The following GRIK1 variants were observed in gnomAD, a reference collection of about 807,000 sequenced individuals.
GRIK1 encodes glutamate ionotropic receptor kainate type subunit 1.
In GRIK1, 69 loss-of-function variants were observed where a neutral mutation model predicts 105.7. That is an observed-to-expected ratio of 0.65 (90% CI 0.54 to 0.80). GRIK1 has a LOEUF of 0.80. GRIK1 is among the 30% of genes least tolerant of loss of function. The pLI, the probability that GRIK1 is intolerant of heterozygous loss-of-function variation, is 0.00. For synonymous variants in GRIK1, 438 were observed against 431.3 expected (o/e 1.02, Z -0.19); for missense variants, 1,109 against 1,167.3 (o/e 0.95, Z 0.73).
At chr21:29,544,097 A>G (rs1287989393) in intron 16 of GRIK1, among the ~76,000 whole-genome samples, 1 of 152,202 alleles carries the variant, frequency 6.6e-6, no homozygotes, top group African/African-American at 2.4e-5. Context: ...ATGCCCTAGA[A>G]TTCCTTGTTC....
intron 1 of GRIK1, among the ~76,000 whole-genome samples, chr21:29,931,872 G>A (rs771376221): frequency 6.6e-6 from 1 of 151,860 alleles, no homozygotes; most frequent in Non-Finnish European, 1.5e-5. Context: ...TGACTCGTTT[G>A]GTGTAAAAAA....
At chr21:29,671,581 A>C (rs1164666888) in intron 4 of GRIK1, among the ~76,000 whole-genome samples, 2 of 152,114 alleles carry the variant, frequency 1.3e-5, no homozygotes, top group Non-Finnish European at 2.9e-5. Context: ...GATTATTTGA[A>C]GAGAGCTCTT....
intron 1 of GRIK1, among the ~76,000 whole-genome samples, chr21:29,749,858 C>G (rs568787154): frequency 2.6e-4 from 40 of 152,104 alleles, no homozygotes; most frequent in Non-Finnish European, 5.7e-4. Context: ...AAAACCTAGT[C>G]CGCATATTGC....
chr21:29,827,975 ATCTCTCTCTC>A (rs71335097), intron 1 of GRIK1, among the ~76,000 whole-genome samples: 19 of 113,504 alleles, frequency 1.7e-4, no homozygotes, highest in African/African-American at 2.8e-4. Context: ...TATAGTTAGG[ATCTCTCTCTC>A]TCTCTCTCTC....
intron 3 of GRIK1, among the ~76,000 whole-genome samples, chr21:29,684,776 C>CT (rs1281529429): frequency 2.6e-5 from 4 of 152,116 alleles, no homozygotes; most frequent in Non-Finnish European, 5.9e-5. Flanking sequence ...TTCCAAAGTG[C>CT]TGGGATTATA....
intron 1 of GRIK1, among the ~76,000 whole-genome samples, chr21:29,794,156 AATT>A (rs1386428283): frequency 5.3e-5 from 8 of 152,128 alleles, no homozygotes; most frequent in African/African-American, 1.9e-4. Flanking sequence ...TTGATAAGAT[AATT>A]ATAACTTGTT....
intron 1 of GRIK1, among the ~76,000 whole-genome samples, chr21:29,817,915 C>G (rs1296251307): frequency 6.6e-6 from 1 of 152,094 alleles, no homozygotes; most frequent in Non-Finnish European, 1.5e-5. Flanking sequence ...TAAACATACT[C>G]CCTCATTTTG....
intron 4 of GRIK1, among the ~76,000 whole-genome samples, chr21:29,667,036 C>G (rs1490598532): frequency 2.6e-5 from 4 of 152,140 alleles, no homozygotes; most frequent in Non-Finnish European, 5.9e-5. Flanking sequence ...TAGCACAGTG[C>G]CAGCATACGG....
chr21:29,873,183 A>T (rs544557704), intron 1 of GRIK1, among the ~76,000 whole-genome samples: 44 of 152,154 alleles, frequency 2.9e-4, no homozygotes, highest in Non-Finnish European at 3.5e-4. Flanking sequence ...CTATTTGGAA[A>T]CCCAGGTTTG....
At chr21:29,912,994 T>C (rs538547275) in intron 1 of GRIK1, among the ~76,000 whole-genome samples, 1 of 152,126 alleles carries the variant, frequency 6.6e-6, no homozygotes, top group African/African-American at 2.4e-5. Flanking sequence ...TAATAACATA[T>C]TCATTACATG....
chr21:29,840,780 C>G (rs751748792), intron 1 of GRIK1, among the ~76,000 whole-genome samples: 1 of 152,118 alleles, frequency 6.6e-6, no homozygotes, highest in Non-Finnish European at 1.5e-5. Flanking sequence ...CAATGCAGAA[C>G]AAGAAAGCTT....
intron 16 of GRIK1, among the ~76,000 whole-genome samples, 194 bp downstream of exon 16, chr21:29,554,858 G>T (rs1248089782): frequency 6.6e-6 from 1 of 152,060 alleles, no homozygotes; most frequent in Admixed American, 6.6e-5. Context: ...CTTCCTTGTC[G>T]TTAATAAATG....
rs941489513 is a variant in GRIK1 at position 29,840,433 on chromosome 21, A to AT, written c.118+98949dup. Among the ~76,000 whole-genome samples, 16 of 150,452 alleles carry AT rather than the reference A, an allele frequency of 1.1e-4. No homozygotes were observed. The East Asian group carries it at 2.3e-3, about 22-fold the overall frequency. On this transcript the variant is annotated intron_variant, in intron 1 of 17. Transcript: ENST00000327783. ...GTCTATAAATAGCTTTGTCTTTCAT[A>AT]TTTTTTTTTACACATAATTTTTGAG...
At chr21:29,770,990 G>C (rs2065799127) in intron 1 of GRIK1, among the ~76,000 whole-genome samples, 1 of 152,200 alleles carries the variant, frequency 6.6e-6, no homozygotes, top group Non-Finnish European at 1.5e-5. Flanking sequence ...TAAAAATAAT[G>C]TAGTGAATAT....
intron 1 of GRIK1, among the ~76,000 whole-genome samples, chr21:29,698,940 T>G (rs187703801): frequency 1.3e-4 from 20 of 152,302 alleles, no homozygotes; most frequent in Admixed American, 2.6e-4. Flanking sequence ...AAATTAATGC[T>G]TTTTTTATTA....
At chr21:29,830,509 T>C (rs2067602055) in intron 1 of GRIK1, among the ~76,000 whole-genome samples, 1 of 152,164 alleles carries the variant, frequency 6.6e-6, no homozygotes, top group South Asian at 2.1e-4. Flanking sequence ...AGGAACTGCT[T>C]TGTGCCATAT....
intron 1 of GRIK1, among the ~76,000 whole-genome samples, chr21:29,896,001 C>T (rs2070138287): frequency 6.6e-6 from 1 of 152,194 alleles, no homozygotes; most frequent in African/African-American, 2.4e-5. Context: ...CACATATTTT[C>T]TACCCAGAGT....
At chr21:29,791,595 G>A (rs2066420415) in intron 1 of GRIK1, among the ~76,000 whole-genome samples, 1 of 152,130 alleles carries the variant, frequency 6.6e-6, no homozygotes, top group African/African-American at 2.4e-5. Flanking sequence ...TGAAAAGCAA[G>A]CCTCAAGACT....
chr21:29,681,052 G>A (rs555522646), intron 3 of GRIK1, among the ~76,000 whole-genome samples: 8 of 152,320 alleles, frequency 5.3e-5, no homozygotes, highest in Admixed American at 5.2e-4. Context: ...ATAATTGCTT[G>A]AACACAGGTG....
Sources: gnomAD v4.1 joint callset for allele counts (sites outside exome capture counted in the v4.1 genomes callset) on GRCh38, gnomAD v4.1.1 for gene constraint, MANE v1.5 for transcripts, NCBI Gene and HGNC (gene_info 2026-07-23, HGNC 2026-07-21) for gene names.